ATP13A4: variants seen among roughly 807,000 people sequenced by gnomAD.
ATP13A4 encodes the protein probable cation-transporting ATPase 13A4.
ATP13A4 carries 114 observed loss-of-function variants against 142.5 expected under a neutral mutation model. The observed-to-expected ratio is 0.80, with a 90% CI of 0.69 to 0.93. The LOEUF (loss-of-function observed/expected upper bound fraction) is 0.93. Among genes scored for constraint, ATP13A4 ranks in the 40% least tolerant of loss-of-function variants. ATP13A4 has a pLI of 0.00. For missense variants in ATP13A4, 1,392 were observed against 1,454.0 expected (o/e 0.96, Z 0.69); for synonymous variants, 488 against 514.8 (o/e 0.95, Z 0.70).
intron 2 of ATP13A4, among the ~76,000 whole-genome samples, chr3:193,578,224 C>T (rs536683234): frequency 1.3e-5 from 2 of 152,166 alleles, no homozygotes; most frequent in Admixed American, 6.5e-5. Flanking sequence ...ACCGAGGAGA[C>T]GGAGGTTGCA....
chr3:193,456,724 T>G (rs1380666334), intron 16 of ATP13A4, among the ~76,000 whole-genome samples: 1 of 151,960 alleles, frequency 6.6e-6, no homozygotes. Flanking sequence ...GACTAGCAAC[T>G]GATGAGACAG....
intron 1 of ATP13A4, among the ~76,000 whole-genome samples, chr3:193,541,722 G>T (rs2108717084): frequency 6.6e-6 from 1 of 152,202 alleles, no homozygotes; most frequent in Non-Finnish European, 1.5e-5. Context: ...ATGCAGAGTT[G>T]ACTCTGACCC....
At chr3:193,524,278 C>A (rs1721882085) in intron 1 of ATP13A4, among the ~76,000 whole-genome samples, 1 of 152,146 alleles carries the variant, frequency 6.6e-6, no homozygotes, top group East Asian at 1.9e-4. Flanking sequence ...AACCTGGGAA[C>A]CCCTATTTGT....
intron 2 of ATP13A4, among the ~76,000 whole-genome samples, chr3:193,564,253 A>G (rs1404755310): frequency 6.6e-6 from 1 of 152,258 alleles, no homozygotes; most frequent in African/African-American, 2.4e-5. Flanking sequence ...TTGTGGCAAA[A>G]GCTGCATGGC....
At chr3:193,542,695 C>G (rs1722998671) in intron 1 of ATP13A4, among the ~76,000 whole-genome samples, 1 of 152,192 alleles carries the variant, frequency 6.6e-6, no homozygotes, top group African/African-American at 2.4e-5. Flanking sequence ...TCCACCTGAT[C>G]TTTGACAAAC....
At chr3:193,449,472 G>A (rs1424750585) in intron 17 of ATP13A4, among the ~76,000 whole-genome samples, 2 of 152,222 alleles carry the variant, frequency 1.3e-5, no homozygotes, top group Non-Finnish European at 2.9e-5. Context: ...CCTCCATGGA[G>A]CCACAGGAAG....
intron 7 of ATP13A4, among the ~76,000 whole-genome samples, chr3:193,487,689 A>G (rs1214137235): frequency 6.6e-6 from 1 of 152,216 alleles, no homozygotes; most frequent in Non-Finnish European, 1.5e-5. Context: ...GGTAATTTCA[A>G]TTGCAGAAAT....
At chr3:193,584,237 C>T (rs77443124) in intron 1 of ATP13A4, among the ~76,000 whole-genome samples, 4,815 of 152,000 alleles carry the variant, frequency 0.032, 83 homozygotes, top group African/African-American at 0.04. Context: ...ATGTGGAAAG[C>T]GGAGGTGGAA....
chr3:193,472,679 A>G (rs1178268999), intron 8 of ATP13A4, among the ~76,000 whole-genome samples: 1 of 152,216 alleles, frequency 6.6e-6, no homozygotes, highest in Non-Finnish European at 1.5e-5. Context: ...TGGTAAAGGC[A>G]TTAAATGTGT....
At chr3:193,472,670 G>C (rs1718693352) in intron 8 of ATP13A4, among the ~76,000 whole-genome samples, 1 of 152,116 alleles carries the variant, frequency 6.6e-6, no homozygotes, top group African/African-American at 2.4e-5. Context: ...TAGATAACAT[G>C]GTAAAGGCAT....
At chr3:193,461,784 G>A (rs1197062999) in intron 13 of ATP13A4, among the ~76,000 whole-genome samples, 1 of 152,158 alleles carries the variant, frequency 6.6e-6, no homozygotes, top group African/African-American at 2.4e-5. Flanking sequence ...TTCATGTTCT[G>A]ATTCCACGGG....
rs1469101627 is a variant in ATP13A4, at chr3:193,414,725, C to T, written c.2868G>A (p.Lys956=). ...VTMNLNGAYP[K]LVPFRPAGRL... is the part of the protein sequence containing the mutation. ...GTCCTGCAGGTCTGAAAGGCACCAG[C>T]TTAGGGTAGGCACCATTCAGATTCA... The change falls in exon 26 of 30, where the codon AAG becomes AAA. Residue 956 remains lysine, a synonymous_variant. Transcript: ENST00000342695. 1 of 1,613,958 alleles carries T rather than the reference C, an allele frequency of 6.2e-7. No individual in the cohort carries two copies. Among genetic ancestry groups the T allele is most frequent in the South Asian group, 1.1e-5 (1 of 91,076 alleles).
intron 9 of ATP13A4, among the ~76,000 whole-genome samples, chr3:193,469,174 G>A (rs1473310694): frequency 1.3e-5 from 2 of 152,210 alleles, no homozygotes; most frequent in South Asian, 2.1e-4. Flanking sequence ...TCAGGAGATG[G>A]AGGAAGAGGA....
chr3:193,448,384 T>A, intron 17 of ATP13A4, 54 bp from the exon 18 acceptor site: 2 of 1,602,776 alleles, frequency 1.2e-6, no homozygotes, highest in Non-Finnish European at 1.7e-6. Context: ...TTACAGCTTT[T>A]TTTTTGAGAC....
chr3:193,541,244 T>G (rs71316203), intron 1 of ATP13A4, among the ~76,000 whole-genome samples: 13,324 of 110,002 alleles, frequency 0.12, 717 homozygotes, highest in Non-Finnish European at 0.14. Flanking sequence ...GCGAGACTCC[T>G]TCTCAAAAAA....
At chr3:193,539,803 GTAGT>G (rs1439006319) in intron 1 of ATP13A4, among the ~76,000 whole-genome samples, 2 of 152,178 alleles carry the variant, frequency 1.3e-5, no homozygotes, top group Non-Finnish European at 2.9e-5. Context: ...ATAGGACGTA[GTAGT>G]TAGTCAATAC....
chr3:193,464,422 T>C (rs1373538479), intron 12 of ATP13A4, among the ~76,000 whole-genome samples: 2 of 152,222 alleles, frequency 1.3e-5, no homozygotes, highest in African/African-American at 4.8e-5. Context: ...TGGGAATAAC[T>C]GGCAAATAAT....
intron 16 of ATP13A4, among the ~76,000 whole-genome samples, chr3:193,455,785 C>A (rs1717574273): frequency 1.3e-5 from 2 of 152,146 alleles, no homozygotes; most frequent in Admixed American, 1.3e-4. Context: ...TGGAATCAAC[C>A]TAAATGCCCA....
intron 13 of ATP13A4, among the ~76,000 whole-genome samples, chr3:193,461,180 T>A (rs1420645983): frequency 6.6e-6 from 1 of 152,214 alleles, no homozygotes; most frequent in African/African-American, 2.4e-5. Context: ...ATGTAACAAG[T>A]CACTTTTAGA....
Sources: allele counts gnomAD v4.1 joint callset (sites outside exome capture counted in the v4.1 genomes callset), GRCh38; gene constraint gnomAD v4.1.1; transcripts MANE v1.5; gene names NCBI Gene and HGNC (gene_info 2026-07-23, HGNC 2026-07-21).